The following HOOK3 variants were observed in gnomAD, a reference collection of about 807,000 sequenced individuals.
HOOK3 encodes hook microtubule tethering protein 3, also known as protein Hook homolog 3.
A neutral mutation model predicts 116.3 loss-of-function variants in HOOK3; 24 were observed. The ratio of observed to expected loss-of-function variants is 0.21; its 90% CI spans 0.15 to 0.29. The LOEUF is 0.29. Among genes scored for constraint, HOOK3 ranks in the 10% least tolerant of loss-of-function variants. HOOK3 has a pLI of 1.00. For synonymous variants in HOOK3, 275 were observed against 283.0 expected, an observed-to-expected ratio of 0.97 and a Z score of 0.28; for missense variants, 632 against 830.2, an observed-to-expected ratio of 0.76 and a Z score of 2.93.
chr8:43,004,366 CAAAAAAA>C (rs1385118465), intron 17 of HOOK3, among the ~76,000 whole-genome samples: 1 of 83,752 alleles, frequency 1.2e-5, no homozygotes, highest in Non-Finnish European at 2.4e-5. Context: ...GACTCTGTCT[CAAAAAAA>C]AAAAAAAAGA....
intron 15 of HOOK3, among the ~76,000 whole-genome samples, chr8:42,990,083 A>G (rs980538398): frequency 4.6e-5 from 7 of 151,868 alleles, no homozygotes; most frequent in Admixed American, 1.3e-4. Flanking sequence ...TGTAGACTCA[A>G]CCTCCCAGGC....
At position 43,027,460 on chromosome 8, in the gene HOOK3, T is replaced by TTC. The variant is rs1183483475; in HGVS notation, c.*8966_*8967dup. ...GACATGCTTTTAAAGTACAAAACGTTTCTCTTCTACCTTACCCCCTGTTCT... is the reference window on the plus strand; with the variant it reads ...GACATGCTTTTAAAGTACAAAACGTTTCTCTCTTCTACCTTACCCCCTGTTCT... On this transcript the variant is annotated 3_prime_UTR_variant, in exon 22 of 22. Coordinates refer to ENST00000307602, the MANE Select transcript of HOOK3 (RefSeq NM_032410.4). 3 of 478,332 alleles carry TTC rather than the reference T, an allele frequency of 6.3e-6. No homozygotes were observed. The highest frequency in any genetic ancestry group is 5.9e-5 in the African/African-American group (3 of 50,722). The allele number at this position is 478,332 out of a possible 1,614,324, so 29.6% of individuals were successfully genotyped here. A position where few individuals can be genotyped will look rare whatever the true frequency, so the allele number is the denominator to read the frequency against.
intron 1 of HOOK3, among the ~76,000 whole-genome samples, chr8:42,905,295 CTT>C (rs757313100): frequency 3.3e-5 from 2 of 60,850 alleles, no homozygotes; most frequent in Non-Finnish European, 3.4e-5. Flanking sequence ...GGACATAGTT[CTT>C]TTTTTTTTTT....
rs1466950359 is a variant in HOOK3, at chr8:43,027,404, A to G, written c.*8906A>G. On this transcript the variant is annotated 3_prime_UTR_variant, in exon 22 of 22. Coordinates refer to ENST00000307602, the MANE Select transcript of HOOK3 (RefSeq NM_032410.4). ...AATAGAGAGATTTGCTTATGAGAAC[A>G]TTCTGTCATTTGTTCTGTTTGTAGA... is the stretch of plus-strand genomic sequence containing the variant. 5 of 275,446 alleles carry G rather than the reference A, an allele frequency of 1.8e-5. No individual in the cohort carries two copies. Among genetic ancestry groups the G allele is most frequent in the Non-Finnish European group, 3.3e-5 (5 of 153,588 alleles). The allele number at this position is 275,446 out of a possible 1,614,324, so 17.1% of individuals were successfully genotyped here.
chr8:43,000,210 C>T, intron 16 of HOOK3: 1 of 1,123,678 alleles, frequency 8.9e-7, no homozygotes. Flanking sequence ...CTTCTCTTGG[C>T]TGCTGTGTTT....
At chr8:43,000,859 C>G (rs1809366484) in intron 16 of HOOK3, 1 of 152,172 alleles carries the variant, frequency 6.6e-6, no homozygotes, top group Non-Finnish European at 1.5e-5. Flanking sequence ...CATATCTTCT[C>G]AGAGTTAAAG....
At chr8:42,930,267 T>A in intron 4 of HOOK3, 95 bp downstream of exon 4, 1 of 1,084,768 alleles carries the variant, frequency 9.2e-7, no homozygotes, top group Non-Finnish European at 1.3e-6. Flanking sequence ...CTTTCAAAAT[T>A]AATAATCAGT....
chr8:42,926,322 G>A (rs1432178581), intron 3 of HOOK3, among the ~76,000 whole-genome samples: 3 of 151,986 alleles, frequency 2.0e-5, no homozygotes, highest in Non-Finnish European at 4.4e-5. Flanking sequence ...AGTCTTCTCT[G>A]TCCCCCAGGC....
chr8:42,952,555 C>G (rs1808362497), intron 6 of HOOK3, among the ~76,000 whole-genome samples: 1 of 152,184 alleles, frequency 6.6e-6, no homozygotes, highest in Non-Finnish European at 1.5e-5. Context: ...AAGCCCCAAC[C>G]TTCTAATCAC....
At chr8:42,980,184 C>T (rs530142286) in intron 13 of HOOK3, among the ~76,000 whole-genome samples, 1 of 152,006 alleles carries the variant, frequency 6.6e-6, no homozygotes, top group Admixed American at 6.6e-5. Context: ...AACTCCTGAC[C>T]TCAGGTGATC....
At chr8:42,951,724 C>T (rs1482752017) in intron 6 of HOOK3, among the ~76,000 whole-genome samples, 5 of 152,102 alleles carry the variant, frequency 3.3e-5, no homozygotes, top group Middle Eastern at 3.4e-3. Context: ...AGGCGGATCA[C>T]GAGGTCAAGA....
chr8:42,959,719 A>G (rs928450904), intron 8 of HOOK3, among the ~76,000 whole-genome samples: 13 of 83,546 alleles, frequency 1.6e-4, no homozygotes, highest in South Asian at 6.3e-4. Context: ...ACTACATCTG[A>G]AAAAAAAAAA....
At chr8:42,976,343 A>G (rs984859938) in intron 13 of HOOK3, among the ~76,000 whole-genome samples, 2 of 151,866 alleles carry the variant, frequency 1.3e-5, no homozygotes, top group Non-Finnish European at 2.9e-5. Context: ...CCCCACCCCA[A>G]CAAAAAAAAT....
chr8:42,930,810 T>G (rs1290250804), intron 4 of HOOK3, among the ~76,000 whole-genome samples: 1 of 152,172 alleles, frequency 6.6e-6, no homozygotes, highest in Non-Finnish European at 1.5e-5. Context: ...CCTACAGTCC[T>G]TCTTTCTTCT....
At chr8:42,988,372 T>C (rs1221311309) in intron 15 of HOOK3, among the ~76,000 whole-genome samples, 3 of 152,184 alleles carry the variant, frequency 2.0e-5, no homozygotes, top group Non-Finnish European at 4.4e-5. Flanking sequence ...CCTACCCTAG[T>C]ATTTTTTTAG....
chr8:42,966,849 G>C (rs1174565453), intron 10 of HOOK3, among the ~76,000 whole-genome samples: 1 of 152,168 alleles, frequency 6.6e-6, no homozygotes, highest in African/African-American at 2.4e-5. Context: ...ACTTGCAACA[G>C]TGTCTGGCAA....
chr8:42,942,317 C>A (rs547818297), intron 4 of HOOK3, among the ~76,000 whole-genome samples: 26 of 152,278 alleles, frequency 1.7e-4, no homozygotes, highest in African/African-American at 6.0e-4. Flanking sequence ...ATTACTTTTT[C>A]ATTGTAGAAT....
At chr8:42,931,909 C>T (rs1167845219) in intron 4 of HOOK3, among the ~76,000 whole-genome samples, 1 of 152,152 alleles carries the variant, frequency 6.6e-6, no homozygotes, top group Non-Finnish European at 1.5e-5. Context: ...TGCGTACCAC[C>T]ACATCCAGCT....
chr8:43,003,819 A>G (rs988348817), intron 17 of HOOK3, among the ~76,000 whole-genome samples: 2 of 152,100 alleles, frequency 1.3e-5, no homozygotes, highest in African/African-American at 4.8e-5. Flanking sequence ...CTCCACCTTC[A>G]CATGTCATTC....
Sources: allele counts gnomAD v4.1 joint callset (sites outside exome capture counted in the v4.1 genomes callset), GRCh38; gene constraint gnomAD v4.1.1; transcripts MANE v1.5; gene names NCBI Gene and HGNC (gene_info 2026-07-23, HGNC 2026-07-21).